CASP9: variants seen among roughly 807,000 people sequenced by gnomAD.
CASP9 encodes caspase-9.
Under a neutral mutation model 43.5 loss-of-function variants are expected in CASP9, and 29 were observed. The observed-to-expected ratio is 0.67, with a 90% CI of 0.50 to 0.91. The LOEUF (loss-of-function observed/expected upper bound fraction) is 0.91, where lower values mean the gene tolerates loss of function less well. CASP9 is among the 40% of genes least tolerant of loss of function. The pLI, the probability that CASP9 is intolerant of heterozygous loss-of-function variation, is 0.00. For synonymous variants in CASP9, 206 were observed against 211.9 expected, an observed-to-expected ratio of 0.97 and a Z score of 0.24; for missense variants, 575 against 537.4, an observed-to-expected ratio of 1.07 and a Z score of -0.69.
At chr1:15,510,032 G>A (rs1378304641) in intron 2 of CASP9, among the ~76,000 whole-genome samples, 3 of 152,110 alleles carry the variant, frequency 2.0e-5, no homozygotes, top group Non-Finnish European at 2.9e-5. Flanking sequence ...CTGGGTTCAA[G>A]CGATTCTCCT....
chr1:15,497,550 G>A (rs1309613727), intron 6 of CASP9, among the ~76,000 whole-genome samples: 1 of 151,874 alleles, frequency 6.6e-6, no homozygotes, highest in African/African-American at 2.4e-5. Context: ...GGCTGAAGCA[G>A]GAGAATTGCT....
At position 15,492,606 on chromosome 1, in the gene CASP9, G is replaced by T. The variant is rs1353762340; in HGVS notation, c.*337C>A. On this transcript the variant is annotated 3_prime_UTR_variant, in exon 9 of 9. Transcript: ENST00000333868. ...TGTACAGGACAGCCTCACAGCAAAG[G>T]GTGACCTGGCCCCACATGTCAGTAG... 6.6e-6 allele frequency: 2 copies of T among 304,732 alleles called. No individual in the cohort carries two copies. Among genetic ancestry groups the T allele is most frequent in the Non-Finnish European group, 1.2e-5 (2 of 163,558 alleles). The allele number at this position is 304,732 out of a possible 1,614,324, so 18.9% of individuals were successfully genotyped here.
At chr1:15,516,443 T>C (rs1161243467) in intron 2 of CASP9, among the ~76,000 whole-genome samples, 1 of 151,396 alleles carries the variant, frequency 6.6e-6, no homozygotes, top group Non-Finnish European at 1.5e-5. Context: ...ATCATGCCAC[T>C]GCACTCCAGC....
intron 8 of CASP9, 30 bp downstream of exon 8, chr1:15,493,862 C>T (rs751658595): frequency 7.6e-5 from 119 of 1,564,212 alleles, no homozygotes; most frequent in Admixed American, 3.8e-5. Flanking sequence ...GCAGCCTCCC[C>T]TCTCCTTTGC....
intron 7 of CASP9, 66 bp downstream of exon 7, chr1:15,495,207 C>T: frequency 6.9e-7 from 1 of 1,459,592 alleles, no homozygotes. Flanking sequence ...TCTCACCACA[C>T]AGCTGCCTCT....
At position 15,492,986 on chromosome 1, in the gene CASP9, C is replaced by T; in HGVS notation, c.1208G>A (p.Cys403Tyr). The T allele has an allele frequency of 2.5e-6, 4 of 1,614,054 alleles. No individual in the cohort carries two copies. The highest frequency in any genetic ancestry group is 1.7e-6 in the Non-Finnish European group (2 of 1,180,042). ...VKGIYKQMPG[C>Y]FNFLRKKLFF... is the part of the protein sequence containing the mutation. Reference sequence around the variant, plus strand: ...AAGTTTTTTCCGGAGGAAATTAAAGCAACCAGGCATCTGTTTATAAATCCC... The same window carrying T: ...AAGTTTTTTCCGGAGGAAATTAAAGTAACCAGGCATCTGTTTATAAATCCC... Residue 403 changes from cysteine (C) to tyrosine (Y), a missense_variant, in exon 9 of 9, where the codon TGC becomes TAC. Physicochemically the swap from Cys to Tyr is radical, Grantham distance 194 (BLOSUM62 -2). Transcript: ENST00000333868.
chr1:15,506,990 C>A lies in CASP9; in HGVS notation c.539G>T (p.Arg180Leu), dbSNP rs751589736. The change falls in exon 4 of 9, where the codon CGC (arginine) becomes CTC (leucine). Residue 180 changes from arginine to leucine, a missense_variant. Coordinates refer to ENST00000333868, the MANE Select transcript of CASP9 (RefSeq NM_001229.5). ...NFCRESGLRT[R>L]TGSNIDCEKL... is the part of the protein sequence containing the mutation. ...CTCACAGTCGATGTTGGAGCCAGTG[C>A]GGGTGCGGAGCCCGGACTCACGGCA... 1.2e-6 allele frequency: 2 copies of A among 1,614,082 alleles called. No individual in the cohort carries two copies. Among genetic ancestry groups the A allele is most frequent in the Non-Finnish European group, 8.5e-7 (1 of 1,180,044 alleles).
chr1:15,518,208 GTAAGGT>G lies in CASP9; in HGVS notation c.314_319del (p.Asn105_Leu106del). 1.2e-6 allele frequency: 2 copies of G among 1,614,198 alleles called. No homozygotes were observed. Among genetic ancestry groups the G allele is most frequent in the Non-Finnish European group, 1.7e-6 (2 of 1,180,038 alleles). ...AATCTCTGGTCTGAGCACCACTGGG[GTAAGGT>G]TTTCTAGGGTTGGCTTCGACAACTT... On this transcript the variant is annotated inframe_deletion, in exon 2 of 9. Transcript: ENST00000333868.
chr1:15,524,206 G>C lies in CASP9; in HGVS notation c.-6C>G, dbSNP rs1710345907. On this transcript the variant is annotated 5_prime_UTR_variant, in exon 1 of 9. Coordinates refer to ENST00000333868, the MANE Select transcript of CASP9 (RefSeq NM_001229.5). The stretch of plus-strand genomic sequence containing the variant: ...CGCCGATCCGCTTCGTCCATGGCGA[G>C]TAGCCAACTAAGACTCCAGGCCGCC... 1.9e-6 allele frequency: 3 copies of C among 1,542,306 alleles called. No individual in the cohort carries two copies. Among genetic ancestry groups the C allele is most frequent in the Non-Finnish European group, 1.7e-6 (2 of 1,148,848 alleles).
chr1:15,498,460 C>G (rs921258403), intron 6 of CASP9, among the ~76,000 whole-genome samples: 5 of 151,684 alleles, frequency 3.3e-5, no homozygotes, highest in Non-Finnish European at 5.9e-5. Flanking sequence ...AGCAATCACC[C>G]CAAAAAAATG....
At chr1:15,500,126 A>ATAT (rs4646081) in intron 6 of CASP9, among the ~76,000 whole-genome samples, 19 of 151,614 alleles carry the variant, frequency 1.3e-4, no homozygotes, top group Admixed American at 4.6e-4. Flanking sequence ...TTGGTTAAAA[A>ATAT]ATATAAATAT....
intron 1 of CASP9, among the ~76,000 whole-genome samples, chr1:15,519,182 G>GTT: frequency 6.6e-6 from 1 of 151,212 alleles, no homozygotes; most frequent in Middle Eastern, 3.5e-3. Flanking sequence ...GCCATCGGTT[G>GTT]TTTTTTTGTT....
rs574391543 is a variant in CASP9 at position 15,493,046 on chromosome 1, T to TC, written c.1159-12_1159-11insG. 155 of 1,613,886 alleles carry TC rather than the reference T, an allele frequency of 9.6e-5. No individual in the cohort carries two copies. In the African/African-American group the frequency reaches 1.7e-3, roughly 18 times the overall value. ...AACAGCATTAGCGACCTGTAAGACA[T>TC]GACCATGGAGAGCTCTGTGAGTTCA... On this transcript the variant is annotated splice_polypyrimidine_tract_variant and intron_variant, in intron 8 of 8. Coordinates refer to ENST00000333868, the MANE Select transcript of CASP9 (RefSeq NM_001229.5).
intron 2 of CASP9, among the ~76,000 whole-genome samples, chr1:15,509,460 C>CAAAAAAAAAAA (rs563284288): frequency 4.7e-5 from 5 of 105,666 alleles, no homozygotes; most frequent in South Asian, 3.4e-4. Context: ...ACTAAAAATA[C>CAAAAAAAAAAA]AAAAAAAAAA....
At chr1:15,507,711 C>G (rs1418352253) in intron 3 of CASP9, 162 bp downstream of exon 3, 4 of 667,558 alleles carry the variant, frequency 6.0e-6, no homozygotes, top group African/African-American at 3.6e-5. Flanking sequence ...TCTGCCCCAG[C>G]AGGCGCTGGG....
At chr1:15,520,286 T>C (rs1286318235) in intron 1 of CASP9, among the ~76,000 whole-genome samples, 2 of 152,198 alleles carry the variant, frequency 1.3e-5, no homozygotes, top group African/African-American at 4.8e-5. Context: ...ACTGAATTTT[T>C]GTGGGCGAAA....
At chr1:15,515,740 C>T (rs1467189406) in intron 2 of CASP9, among the ~76,000 whole-genome samples, 2 of 152,184 alleles carry the variant, frequency 1.3e-5, no homozygotes, top group Admixed American at 1.3e-4. Context: ...CACCTTCACT[C>T]GCAGTTGGTG....
chr1:15,497,653 AAAAAAG>A (rs1557535963), intron 6 of CASP9, among the ~76,000 whole-genome samples: 1 of 127,274 alleles, frequency 7.9e-6, no homozygotes, highest in Non-Finnish European at 1.7e-5. Context: ...AGAAAAAAAA[AAAAAAG>A]ATATAAATAA....
intron 1 of CASP9, among the ~76,000 whole-genome samples, chr1:15,518,850 A>G (rs1158340809): frequency 6.7e-6 from 1 of 148,428 alleles, no homozygotes; most frequent in Non-Finnish European, 1.5e-5. Context: ...AGGTGCCACC[A>G]AAGAGTTTTT....
Sources: allele counts gnomAD v4.1 joint callset (sites outside exome capture counted in the v4.1 genomes callset), GRCh38; gene constraint gnomAD v4.1.1; transcripts MANE v1.5; gene names NCBI Gene and HGNC (gene_info 2026-07-23, HGNC 2026-07-21).